The following TTLL5 variants were observed in gnomAD, a reference collection of about 807,000 sequenced individuals.
TTLL5 encodes tubulin tyrosine ligase like 5.
Under a neutral mutation model 168.4 loss-of-function variants are expected in TTLL5, and 132 were observed. That is an observed-to-expected ratio of 0.78 (90% confidence interval 0.68 to 0.91). The LOEUF is 0.91. Among genes scored for constraint, TTLL5 ranks in the 40% least tolerant of loss-of-function variants. The pLI, the probability that TTLL5 is intolerant of heterozygous loss-of-function variation, is 0.00. For synonymous variants in TTLL5, 546 were observed against 558.6 expected (o/e 0.98, Z 0.32); for missense variants, 1,545 against 1,581.5 (o/e 0.98, Z 0.39).
In TTLL5 at chr14:75,914,073, CAGTTA is replaced by C. The variant is rs576729362; in HGVS notation, c.3823+11854_3823+11858del. Among the ~76,000 whole-genome samples the C allele has an allele frequency of 6.4e-5, 8 of 125,614 alleles. No individual in the cohort carries two copies. In the South Asian group the frequency reaches 1.0e-3, roughly 16 times the overall value. The allele number at this position is 125,614 out of a possible 152,430, so 82.4% of individuals were successfully genotyped here. A position where few individuals can be genotyped will look rare whatever the true frequency, so the allele number is the denominator to read the frequency against. ...ATATATATTTTATCCCCTAAGGGCC[CAGTTA>C]AGTTTTTTGTTTTGTTTTGTTTTTG... On this transcript the variant is annotated intron_variant, in intron 31 of 31. Transcript: ENST00000298832.
At chr14:75,835,321 A>G (rs1895810920) in intron 28 of TTLL5, 1 of 152,238 alleles carries the variant, frequency 6.6e-6, no homozygotes, top group South Asian at 2.1e-4. Flanking sequence ...CCCAGTGTCC[A>G]TTAGGTGTCT....
chr14:75,835,256 A>T (rs1173649685), intron 28 of TTLL5: 5 of 152,258 alleles, frequency 3.3e-5, no homozygotes, highest in African/African-American at 1.2e-4. Flanking sequence ...GCAAGACAAT[A>T]CTCAACCCAG....
chr14:75,822,580 C>G (rs1263810080), intron 28 of TTLL5, among the ~76,000 whole-genome samples: 1 of 152,138 alleles, frequency 6.6e-6, no homozygotes, highest in African/African-American at 2.4e-5. Flanking sequence ...CTCTGCATGT[C>G]AGAGAATTCA....
At chr14:75,866,085 A>G (rs1411971781) in intron 29 of TTLL5, among the ~76,000 whole-genome samples, 1 of 152,226 alleles carries the variant, frequency 6.6e-6, no homozygotes, top group Non-Finnish European at 1.5e-5. Flanking sequence ...AGAGTTTATA[A>G]CTAATAAGAT....
At chr14:75,732,890 C>G (rs887453147) in intron 13 of TTLL5, among the ~76,000 whole-genome samples, 1 of 152,118 alleles carries the variant, frequency 6.6e-6, no homozygotes, top group African/African-American at 2.4e-5. Context: ...TCAAAAACTT[C>G]AAACAACTTA....
chr14:75,885,649 T>C (rs2032076488), intron 30 of TTLL5, among the ~76,000 whole-genome samples: 1 of 152,244 alleles, frequency 6.6e-6, no homozygotes, highest in African/African-American at 2.4e-5. Context: ...TTTTTTAATC[T>C]AGAGAAGCTT....
intron 18 of TTLL5, among the ~76,000 whole-genome samples, chr14:75,759,411 A>G (rs2140286676): frequency 6.6e-6 from 1 of 152,194 alleles, no homozygotes; most frequent in East Asian, 1.9e-4. Flanking sequence ...CTATAGAGAA[A>G]ACTCCAGGCT....
intron 29 of TTLL5, among the ~76,000 whole-genome samples, chr14:75,867,866 A>G (rs1595175055): frequency 1.3e-5 from 2 of 152,106 alleles, no homozygotes; most frequent in South Asian, 2.1e-4. Flanking sequence ...ATACAGCCCA[A>G]TGCATGTCTT....
chr14:75,744,306 T>G (rs1889463233), intron 15 of TTLL5: 1 of 152,334 alleles, frequency 6.6e-6, no homozygotes, highest in Non-Finnish European at 1.5e-5. Context: ...GCTTTTATAC[T>G]GACTTCCTTT....
intron 31 of TTLL5, among the ~76,000 whole-genome samples, chr14:75,919,198 A>C: frequency 5.2e-5 from 1 of 19,304 alleles, no homozygotes; most frequent in Non-Finnish European, 1.1e-4. Flanking sequence ...AGACCGTCTC[A>C]AAAAAAAAAA....
At chr14:75,702,139 T>A (rs1324319352) in intron 7 of TTLL5, among the ~76,000 whole-genome samples, 3 of 152,226 alleles carry the variant, frequency 2.0e-5, no homozygotes, top group Non-Finnish European at 4.4e-5. Flanking sequence ...CAAAGAAATA[T>A]AGGATCTGGT....
intron 9 of TTLL5, chr14:75,711,023 A>G (rs1887036374): frequency 6.6e-6 from 1 of 152,242 alleles, no homozygotes; most frequent in South Asian, 2.1e-4. Context: ...TCATTTCACA[A>G]GACAGTTTTG....
chr14:75,774,519 A>C (rs1370494533), intron 21 of TTLL5, among the ~76,000 whole-genome samples: 1 of 151,950 alleles, frequency 6.6e-6, no homozygotes, highest in Non-Finnish European at 1.5e-5. Context: ...CATTTTCTTA[A>C]TGTCTTCTTG....
intron 30 of TTLL5, among the ~76,000 whole-genome samples, chr14:75,897,522 G>T (rs533721399): frequency 6.6e-6 from 1 of 151,854 alleles, no homozygotes; most frequent in Admixed American, 6.6e-5. Context: ...TGTCACCCAG[G>T]CTGGAGTGTG....
rs1339362167 is a variant in TTLL5, at chr14:75,783,659, C to T, written c.2986+129C>T. On this transcript the variant is annotated intron_variant, in intron 26 of 31. Coordinates refer to ENST00000298832, the MANE Select transcript of TTLL5 (RefSeq NM_015072.5). Reference sequence around the variant, plus strand: ...GGAAATGGACACACACTGCATTGTTCTGACGTGACTAAAGAAGACTTTTGC... The same window carrying T: ...GGAAATGGACACACACTGCATTGTTTTGACGTGACTAAAGAAGACTTTTGC... 4.4e-5 allele frequency: 57 copies of T among 1,283,370 alleles called. 1 individual carries two copies. The South Asian group carries it at 8.5e-4, about 19-fold the overall frequency. The allele number at this position is 1,283,370 out of a possible 1,614,324, so 79.5% of individuals were successfully genotyped here. A position where few individuals can be genotyped will look rare whatever the true frequency, so the allele number is the denominator to read the frequency against.
At position 75,778,876 on chromosome 14, in the gene TTLL5, C is replaced by T. The variant is rs140838165; in HGVS notation, c.2388-699C>T. On this transcript the variant is annotated intron_variant, in intron 23 of 31. Coordinates refer to ENST00000298832, the MANE Select transcript of TTLL5 (RefSeq NM_015072.5). ...TTTGAAGTGATTTAGAGATGATATACTTTAGTCTCGTGCATTATATAGATG... is the reference window on the plus strand; with the variant it reads ...TTTGAAGTGATTTAGAGATGATATATTTTAGTCTCGTGCATTATATAGATG... Among the ~76,000 whole-genome samples the T allele has an allele frequency of 1.6e-3, 241 of 152,238 alleles. 2 individuals are homozygous for T. The highest frequency in any genetic ancestry group is 6.8e-3 in the Middle Eastern group (2 of 294).
Position 75,772,669 on chromosome 14 carries a change from C to CTTTTT in TTLL5, c.2136+827_2136+831dup, listed in dbSNP as rs904209991. Among the ~76,000 whole-genome samples the CTTTTT allele has an allele frequency of 2.9e-5, 4 of 136,890 alleles. 1 individual carries two copies. In the South Asian group the frequency reaches 9.4e-4, roughly 32 times the overall value. 89.8% of individuals were successfully genotyped at this position (136,890 alleles called of 152,430 possible). ...GAAGAAGCCACAGCCCTTCCATATT[C>CTTTTT]TTTTTTTTTTTTTTTTGAGACAGAG... On this transcript the variant is annotated intron_variant, in intron 21 of 31. Coordinates refer to ENST00000298832, the MANE Select transcript of TTLL5 (RefSeq NM_015072.5).
intron 21 of TTLL5, among the ~76,000 whole-genome samples, chr14:75,773,996 A>C (rs866837050): frequency 9.9e-5 from 14 of 141,126 alleles, no homozygotes; most frequent in African/African-American, 1.6e-4. Context: ...AGAGAGAGAG[A>C]GAGCGAGAGT....
chr14:75,786,463 G>T (rs528246981), intron 26 of TTLL5, among the ~76,000 whole-genome samples: 1 of 152,256 alleles, frequency 6.6e-6, no homozygotes, highest in South Asian at 2.1e-4. Flanking sequence ...TTTTCAGGTA[G>T]TTGGGATTCT....
Sources: allele counts gnomAD v4.1 joint callset (sites outside exome capture counted in the v4.1 genomes callset), GRCh38; gene constraint gnomAD v4.1.1; transcripts MANE v1.5; gene names NCBI Gene and HGNC (gene_info 2026-07-23, HGNC 2026-07-21).